OSBPL8: variants seen among roughly 807,000 people sequenced by gnomAD.
The protein encoded by OSBPL8 is oxysterol-binding protein-related protein 8.
Under a neutral mutation model 125.5 loss-of-function variants are expected in OSBPL8, and 59 were observed. That is an observed-to-expected ratio of 0.47 (90% CI 0.38 to 0.58). OSBPL8 has a LOEUF of 0.58. Among genes scored for constraint, OSBPL8 ranks in the 20% least tolerant of loss-of-function variants. The pLI, the probability that OSBPL8 is intolerant of heterozygous loss-of-function variation, is 0.00. For synonymous variants in OSBPL8, 330 were observed against 338.9 expected, an observed-to-expected ratio of 0.97 and a Z score of 0.29; for missense variants, 758 against 1,047.8, an observed-to-expected ratio of 0.72 and a Z score of 3.82.
At chr12:76,529,480 T>G (rs1950273250) in intron 1 of OSBPL8, among the ~76,000 whole-genome samples, 1 of 148,188 alleles carries the variant, frequency 6.7e-6, no homozygotes, top group Non-Finnish European at 1.5e-5. Context: ...TGCCTTAGAA[T>G]AGCAGTGTCA....
At chr12:76,520,077 A>T (rs1476818984) in intron 1 of OSBPL8, among the ~76,000 whole-genome samples, 1 of 152,202 alleles carries the variant, frequency 6.6e-6, no homozygotes, top group East Asian at 1.9e-4. Context: ...GAGACCAGAG[A>T]TTATAACAAC....
chr12:76,540,070 C>T (rs905895259), intron 1 of OSBPL8, among the ~76,000 whole-genome samples: 2 of 152,138 alleles, frequency 1.3e-5, no homozygotes, highest in African/African-American at 4.8e-5. Context: ...CTCCCCCGAT[C>T]ATTGTGTTTT....
intron 4 of OSBPL8, among the ~76,000 whole-genome samples, chr12:76,445,398 A>G (rs942470575): frequency 6.6e-6 from 1 of 152,194 alleles, no homozygotes; most frequent in African/African-American, 2.4e-5. Context: ...TGAAATTAAA[A>G]ACATCTGCTC....
At chr12:76,371,406 T>C (rs1952613235) in intron 19 of OSBPL8, 42 bp downstream of exon 19, 2 of 1,516,388 alleles carry the variant, frequency 1.3e-6, no homozygotes, top group African/African-American at 1.4e-5. Flanking sequence ...GAAAAACTAC[T>C]CTCTGATCCT....
At chr12:76,394,025 AAAAAC>A (rs1408921837) in intron 9 of OSBPL8, among the ~76,000 whole-genome samples, 11 of 152,194 alleles carry the variant, frequency 7.2e-5, no homozygotes, top group Non-Finnish European at 1.6e-4. Context: ...TCTCAAAAAC[AAAAAC>A]AAAACAAAAC....
intron 19 of OSBPL8, 111 bp downstream of exon 19, chr12:76,371,337 T>A: frequency 8.5e-7 from 1 of 1,176,468 alleles, no homozygotes; most frequent in South Asian, 2.4e-5. Context: ...AATGATAAAC[T>A]ATTTTGCTGA....
chr12:76,481,455 G>A lies in OSBPL8; in HGVS notation c.42+6055C>T, dbSNP rs557647551. On this transcript the variant is annotated intron_variant, in intron 2 of 23. Transcript: ENST00000261183. The stretch of plus-strand genomic sequence containing the variant: ...AGCCTGGGAAACATAGCAAGACCCT[G>A]CGTCTATTAAAAAAAAATTTAGAAA... Among the ~76,000 whole-genome samples the A allele has an allele frequency of 5.3e-5, 8 of 152,076 alleles. No individual in the cohort carries two copies. In the East Asian group the frequency reaches 1.5e-3, roughly 29 times the overall value.
intron 2 of OSBPL8, among the ~76,000 whole-genome samples, chr12:76,477,730 A>T (rs919001086): frequency 6.6e-6 from 1 of 152,230 alleles, no homozygotes; most frequent in African/African-American, 2.4e-5. Flanking sequence ...TTCATCAATT[A>T]TATCACATGT....
chr12:76,528,916 T>C (rs1425974941), intron 1 of OSBPL8, among the ~76,000 whole-genome samples: 1 of 152,182 alleles, frequency 6.6e-6, no homozygotes, highest in African/African-American at 2.4e-5. Context: ...AATTTTTCAC[T>C]TCTCCCAACC....
At chr12:76,391,158 A>C (rs1393003758) in intron 10 of OSBPL8, among the ~76,000 whole-genome samples, 2 of 152,214 alleles carry the variant, frequency 1.3e-5, no homozygotes, top group Non-Finnish European at 2.9e-5. Flanking sequence ...CAAGAAAAAT[A>C]TATGAAAATG....
rs1217932639 is a variant in OSBPL8, at chr12:76,386,268, T to C, written c.1435-2A>G. The stretch of plus-strand genomic sequence containing the variant: ...AGGATTATAAGGTTTCTTCAGTCCC[T>C]GGTAAAAAAAAAAAAAAGCAATTTC... On this transcript the variant is annotated splice_acceptor_variant, in intron 13 of 23. Transcript: ENST00000261183. LOFTEE classifies it high-confidence loss of function. The C allele has an allele frequency of 2.0e-6, 3 of 1,496,266 alleles. No homozygotes were observed. Among genetic ancestry groups the C allele is most frequent in the Non-Finnish European group, 2.6e-6 (3 of 1,132,332 alleles). The allele number at this position is 1,496,266 out of a possible 1,614,324, so 92.7% of individuals were successfully genotyped here. A position where few individuals can be genotyped will look rare whatever the true frequency, so the allele number is the denominator to read the frequency against.
chr12:76,389,235 T>C (rs933053472), intron 12 of OSBPL8, among the ~76,000 whole-genome samples: 6 of 152,122 alleles, frequency 3.9e-5, no homozygotes, highest in Admixed American at 3.3e-4. Flanking sequence ...AAGCCGTACA[T>C]ACCTCACAAG....
chr12:76,510,891 A>AT (rs1299535642), intron 1 of OSBPL8, among the ~76,000 whole-genome samples: 3 of 144,152 alleles, frequency 2.1e-5, no homozygotes, highest in African/African-American at 7.6e-5. Flanking sequence ...CAAAAAAAAA[A>AT]AAAAAAATAT....
At chr12:76,513,395 A>G (rs920950893) in intron 1 of OSBPL8, among the ~76,000 whole-genome samples, 1 of 152,216 alleles carries the variant, frequency 6.6e-6, no homozygotes, top group Non-Finnish European at 1.5e-5. Context: ...AGAAGAATGT[A>G]TATTCAGTTG....
At chr12:76,505,479 T>C (rs997982515) in intron 1 of OSBPL8, among the ~76,000 whole-genome samples, 1 of 152,138 alleles carries the variant, frequency 6.6e-6, no homozygotes, top group African/African-American at 2.4e-5. Flanking sequence ...ACCTGATAAT[T>C]TTTTAAAATT....
intron 4 of OSBPL8, among the ~76,000 whole-genome samples, chr12:76,425,884 T>C (rs1006172606): frequency 2.0e-5 from 3 of 152,190 alleles, no homozygotes; most frequent in Non-Finnish European, 2.9e-5. Context: ...ACTAATTATC[T>C]TGCCGAATGC....
At chr12:76,541,163 A>G (rs372944637) in intron 1 of OSBPL8, among the ~76,000 whole-genome samples, 2 of 152,214 alleles carry the variant, frequency 1.3e-5, no homozygotes, top group Non-Finnish European at 2.9e-5. Flanking sequence ...TTTGTAATAA[A>G]TAAGTATTTG....
chr12:76,491,480 T>C (rs964418729), intron 1 of OSBPL8, among the ~76,000 whole-genome samples: 4 of 152,238 alleles, frequency 2.6e-5, no homozygotes, highest in Non-Finnish European at 4.4e-5. Context: ...AAACATTATT[T>C]AATTGGACTT....
rs569832710 is a variant in OSBPL8, at chr12:76,553,040, C to A, written c.-68+6357G>T. The stretch of plus-strand genomic sequence containing the variant: ...ATTACACACTAAGCAAAGCTAGTCT[C>A]CAGAAGTCCCTCATCCTACTCTCCA... On this transcript the variant is annotated intron_variant, in intron 1 of 23. Transcript: ENST00000261183. Among the ~76,000 whole-genome samples, 4 of 152,280 alleles carry A rather than the reference C, an allele frequency of 2.6e-5. No homozygotes were observed. The South Asian group carries it at 8.3e-4, about 32-fold the overall frequency.
Sources: allele counts gnomAD v4.1 joint callset (sites outside exome capture counted in the v4.1 genomes callset), GRCh38; gene constraint gnomAD v4.1.1; transcripts MANE v1.5; gene names NCBI Gene and HGNC (gene_info 2026-07-23, HGNC 2026-07-21).